ITM2C: variants seen among roughly 807,000 people sequenced by gnomAD.
The protein encoded by ITM2C is integral membrane protein 2C, also known as BRICHOS domain containing 2C.
Under a neutral mutation model 30.0 loss-of-function variants are expected in ITM2C, and 20 were observed. That is an observed-to-expected ratio of 0.67 (90% CI 0.47 to 0.97). The LOEUF is 0.97. ITM2C is among the 50% of genes least tolerant of loss of function. The probability of loss-of-function intolerance (pLI) is 0.00; values close to 1 mark genes in which losing one functional copy is unlikely to be tolerated. For missense variants in ITM2C, 366 were observed against 371.9 expected, an observed-to-expected ratio of 0.98 and a Z score of 0.13; for synonymous variants, 167 against 156.4, an observed-to-expected ratio of 1.07 and a Z score of -0.51.
intron 2 of ITM2C, among the ~76,000 whole-genome samples, chr2:230,874,881 A>G (rs1056223299): frequency 6.6e-6 from 1 of 152,092 alleles, no homozygotes; most frequent in Non-Finnish European, 1.5e-5. Flanking sequence ...TTACTGATGG[A>G]GTGACTGGAC....
rs1176620405 is a variant in ITM2C at position 230,875,795 on chromosome 2, A to G, written c.437A>G (p.His146Arg). The change falls in exon 3 of 6, where the codon CAT (histidine) becomes CGT (arginine). Residue 146 changes from histidine (H) to arginine (R), a missense_variant. By Grantham distance (29) the His-to-Arg change is conservative. Coordinates refer to ENST00000326427, the MANE Select transcript of ITM2C (RefSeq NM_030926.6). ...FGGGDPADII[H>R]DFQRGLTAYH... ...GGCGGTGACCCTGCAGACATCATCC[A>G]TGACTTCCAGCGGGTGAGGCTGGCC... is the stretch of plus-strand genomic sequence containing the variant. The G allele has an allele frequency of 1.1e-5, 14 of 1,282,874 alleles. No individual in the cohort carries two copies. The highest frequency in any genetic ancestry group is 1.3e-5 in the Non-Finnish European group (13 of 971,224). The allele number at this position is 1,282,874 out of a possible 1,614,324, so 79.5% of individuals were successfully genotyped here.
At chr2:230,867,888 A>C (rs1398314066) in intron 1 of ITM2C, among the ~76,000 whole-genome samples, 1 of 151,996 alleles carries the variant, frequency 6.6e-6, no homozygotes. Context: ...CAAATTCCTG[A>C]CCTCAGGTGA....
intron 2 of ITM2C, 136 bp downstream of exon 2, chr2:230,873,693 C>A: frequency 2.4e-6 from 2 of 826,524 alleles, no homozygotes; most frequent in East Asian, 3.2e-5. Context: ...CCGGCCAGCC[C>A]ACAAGACTGG....
chr2:230,866,414 G>A (rs990043709), intron 1 of ITM2C, among the ~76,000 whole-genome samples: 4 of 152,192 alleles, frequency 2.6e-5, no homozygotes, highest in African/African-American at 9.6e-5. Context: ...AGGAGGGGGC[G>A]CCGGAGAGGG....
chr2:230,871,776 C>T (rs776479767), intron 1 of ITM2C, among the ~76,000 whole-genome samples: 1 of 152,212 alleles, frequency 6.6e-6, no homozygotes, highest in Non-Finnish European at 1.5e-5. Flanking sequence ...GACCTGCTCA[C>T]GCATGTCCGC....
intron 3 of ITM2C, 114 bp from the exon 4 acceptor site, chr2:230,876,743 G>C: frequency 1.5e-6 from 1 of 674,754 alleles, no homozygotes; most frequent in South Asian, 1.7e-5. Flanking sequence ...GCCTCCCAAA[G>C]TGCTGGGATT....
chr2:230,875,373 C>T (rs1697265958), intron 2 of ITM2C, among the ~76,000 whole-genome samples: 1 of 152,178 alleles, frequency 6.6e-6, no homozygotes, highest in Non-Finnish European at 1.5e-5. Context: ...ATCCTCCCTT[C>T]CGTTTGTGAA....
chr2:230,866,296 C>A (rs564775312), intron 1 of ITM2C, among the ~76,000 whole-genome samples: 1 of 152,338 alleles, frequency 6.6e-6, no homozygotes, highest in African/African-American at 2.4e-5. Flanking sequence ...CAGATGCAGG[C>A]TTCTGAAGAG....
At chr2:230,870,856 G>T (rs760346801) in intron 1 of ITM2C, among the ~76,000 whole-genome samples, 13 of 151,854 alleles carry the variant, frequency 8.6e-5, no homozygotes, top group Admixed American at 2.0e-4. Flanking sequence ...GCTCTCCCAC[G>T]TAGCGCTTTG....
intron 2 of ITM2C, among the ~76,000 whole-genome samples, chr2:230,874,337 C>T (rs1697237805): frequency 6.6e-6 from 1 of 152,040 alleles, no homozygotes; most frequent in Non-Finnish European, 1.5e-5. Flanking sequence ...TCACATACAC[C>T]CATCACCTTC....
At chr2:230,866,219 C>T (rs1697025267) in intron 1 of ITM2C, among the ~76,000 whole-genome samples, 1 of 152,160 alleles carries the variant, frequency 6.6e-6, no homozygotes, top group Non-Finnish European at 1.5e-5. Flanking sequence ...AGCCCATGTC[C>T]TCCCCGCCTC....
At position 230,865,205 on chromosome 2, in the gene ITM2C, G is replaced by T. The variant is rs1696996331; in HGVS notation, c.120+60G>T. 3.8e-6 allele frequency: 5 copies of T among 1,328,188 alleles called. No individual in the cohort carries two copies. The East Asian group carries it at 1.5e-4, about 41-fold the overall frequency. The allele number at this position is 1,328,188 out of a possible 1,614,324, so 82.3% of individuals were successfully genotyped here. Reference sequence around the variant, plus strand: ...GGACCCAGGCTCACGACCCAGGCGCGCCCCGTCGGCCCTGGGGACTGCCCG... The same window carrying T: ...GGACCCAGGCTCACGACCCAGGCGCTCCCCGTCGGCCCTGGGGACTGCCCG... On this transcript the variant is annotated intron_variant, in intron 1 of 5. Transcript: ENST00000326427. This position sits in a 1 kb window ranked among gnomAD's most constrained non-coding sequence, Gnocchi z 6.8.
Position 230,865,347 on chromosome 2 carries a change from G to T in ITM2C, c.120+202G>T, listed in dbSNP as rs1697000007. ...CGTACTAAAGCGGCAGCCAAAAGCTGAAGTCCGAAGAGTGGGAGGCGTCTG... is the reference window on the plus strand; with the variant it reads ...CGTACTAAAGCGGCAGCCAAAAGCTTAAGTCCGAAGAGTGGGAGGCGTCTG... On this transcript the variant is annotated intron_variant, in intron 1 of 5. Transcript: ENST00000326427. This position sits in a 1 kb window ranked among gnomAD's most constrained non-coding sequence, Gnocchi z 6.8. The T allele has an allele frequency of 6.2e-6, 3 of 483,806 alleles. No homozygotes were observed. The highest frequency in any genetic ancestry group is 9.8e-6 in the Non-Finnish European group (3 of 305,114). 30.0% of individuals were successfully genotyped at this position (483,806 alleles called of 1,614,324 possible).
At chr2:230,875,890 A>T in intron 3 of ITM2C, 82 bp downstream of exon 3, 2 of 1,171,866 alleles carry the variant, frequency 1.7e-6, no homozygotes, top group Non-Finnish European at 2.4e-6. Context: ...ATGAAAGGAG[A>T]CTCCTCGGAG....
chr2:230,875,720 A>G lies in ITM2C; in HGVS notation c.362A>G (p.Tyr121Cys). ...GAGCTGGAAGAGGATGTGAAAATCT[A>G]CCTCGACGAGAACTACGAGCGCATC... Reference protein sequence around the residue: ...QMELEEDVKIYLDENYERINV... With the variant: ...QMELEEDVKICLDENYERINV... Residue 121 changes from tyrosine to cysteine, a missense_variant, in exon 3 of 6, where the codon TAC (tyrosine) becomes TGC (cysteine). By Grantham distance (194) the Tyr-to-Cys change is radical. Transcript: ENST00000326427. 1.2e-6 allele frequency: 2 copies of G among 1,611,488 alleles called. No homozygotes were observed.
intron 1 of ITM2C, 72 bp from the exon 2 acceptor site, chr2:230,873,345 C>T: frequency 1.4e-6 from 2 of 1,413,746 alleles, no homozygotes; most frequent in Non-Finnish European, 1.9e-6. Context: ...GCAGGTGAAG[C>T]CTGACTTAGG....
chr2:230,867,257 C>T (rs1242963593), intron 1 of ITM2C, among the ~76,000 whole-genome samples: 1 of 152,208 alleles, frequency 6.6e-6, no homozygotes, highest in Non-Finnish European at 1.5e-5. Context: ...AAGGCCCTGG[C>T]GTGGTGCAGA....
At chr2:230,871,498 C>T (rs895270641) in intron 1 of ITM2C, among the ~76,000 whole-genome samples, 12 of 152,254 alleles carry the variant, frequency 7.9e-5, no homozygotes, top group African/African-American at 2.7e-4. Flanking sequence ...GGGCCCTGTG[C>T]ACTGTGGCCA....
At position 230,877,409 on chromosome 2, in the gene ITM2C, T is replaced by C. The variant is rs767626513; in HGVS notation, c.571T>C (p.Tyr191His). The C allele has an allele frequency of 7.4e-6, 12 of 1,613,648 alleles. No homozygotes were observed. In the East Asian group the frequency reaches 8.9e-5, roughly 12 times the overall value. Residue 191 changes from tyrosine (Y) to histidine (H), a missense_variant, in exon 5 of 6, where the codon TAC (tyrosine) becomes CAC (histidine). By Grantham distance (83) the Tyr-to-His change is moderately conservative. Coordinates refer to ENST00000326427, the MANE Select transcript of ITM2C (RefSeq NM_030926.6). The surrounding 1 kb of genome is among the most constrained non-coding windows in gnomAD (Gnocchi z 4.8). The part of the protein sequence containing the change: ...ELLMNVKRGT[Y>H]LPQTYIIQEE... ...CCACCTTGTTTTGCAGAGGGGGACC[T>C]ACCTGCCGCAGACGTACATCATCCA... is the stretch of plus-strand genomic sequence containing the variant.
Sources: allele counts gnomAD v4.1 joint callset (sites outside exome capture counted in the v4.1 genomes callset), GRCh38; gene constraint gnomAD v4.1.1; non-coding constraint Gnocchi (gnomAD v3.1); transcripts MANE v1.5; gene names NCBI Gene and HGNC (gene_info 2026-07-23, HGNC 2026-07-21).